The following CCDC178 variants were observed in gnomAD, a reference collection of about 807,000 sequenced individuals.
The protein encoded by CCDC178 is coiled-coil domain-containing protein 178.
Under a neutral mutation model 117.4 loss-of-function variants are expected in CCDC178, and 126 were observed. The ratio of observed to expected loss-of-function variants is 1.07; its 90% CI spans 0.93 to 1.24. The LOEUF (loss-of-function observed/expected upper bound fraction) is 1.24, where lower values mean the gene tolerates loss of function less well. Among genes scored for constraint, CCDC178 ranks in the 50% most tolerant of loss-of-function variants. The pLI is 0.00. For synonymous variants in CCDC178, 283 were observed against 313.4 expected, an observed-to-expected ratio of 0.90 and a Z score of 1.02; for missense variants, 1,030 against 986.9, an observed-to-expected ratio of 1.04 and a Z score of -0.59.
At chr18:33,279,026 T>C (rs1236234836) in intron 12 of CCDC178, among the ~76,000 whole-genome samples, 1 of 152,034 alleles carries the variant, frequency 6.6e-6, no homozygotes, top group African/African-American at 2.4e-5. Context: ...CTGGAAGCAT[T>C]CCCTTTGAAA....
chr18:33,199,231 G>T (rs2058966085), intron 20 of CCDC178, among the ~76,000 whole-genome samples: 1 of 151,896 alleles, frequency 6.6e-6, no homozygotes, highest in East Asian at 1.9e-4. Context: ...GTCCATTATT[G>T]CTTCCAAACC....
chr18:33,276,570 T>C (rs1457974180), intron 12 of CCDC178, among the ~76,000 whole-genome samples: 1 of 152,094 alleles, frequency 6.6e-6, no homozygotes, highest in Non-Finnish European at 1.5e-5. Flanking sequence ...AAGAATGTGT[T>C]CTGGAAGCCA....
At chr18:33,338,394 C>G (rs1015976916) in intron 9 of CCDC178, among the ~76,000 whole-genome samples, 2 of 152,088 alleles carry the variant, frequency 1.3e-5, no homozygotes, top group African/African-American at 4.8e-5. Flanking sequence ...CCAGCAATCC[C>G]ATTACTAGGT....
At chr18:33,242,389 C>T (rs1010172032) in intron 15 of CCDC178, among the ~76,000 whole-genome samples, 1 of 151,512 alleles carries the variant, frequency 6.6e-6, no homozygotes, top group Non-Finnish European at 1.5e-5. Flanking sequence ...GCAACAAAAA[C>T]AAAAATAAAC....
intron 3 of CCDC178, among the ~76,000 whole-genome samples, chr18:33,403,540 AGACTTTTG>A (rs2063738874): frequency 6.6e-6 from 1 of 152,272 alleles, no homozygotes; most frequent in African/African-American, 2.4e-5. Flanking sequence ...TAAAGCAAAT[AGACTTTTG>A]TCAAAATCAG....
chr18:33,258,034 A>G (rs1236674892), intron 14 of CCDC178, among the ~76,000 whole-genome samples: 1 of 152,070 alleles, frequency 6.6e-6, no homozygotes, highest in Non-Finnish European at 1.5e-5. Context: ...AACATATCTG[A>G]ATGCCCTACC....
chr18:33,063,209 C>A (rs1222948766), intron 21 of CCDC178, among the ~76,000 whole-genome samples: 1 of 152,136 alleles, frequency 6.6e-6, no homozygotes, highest in African/African-American at 2.4e-5. Flanking sequence ...ACCCTGCCTG[C>A]CATTGCCAGT....
At chr18:33,406,204 T>C (rs1186762193) in intron 3 of CCDC178, among the ~76,000 whole-genome samples, 2 of 152,072 alleles carry the variant, frequency 1.3e-5, no homozygotes, top group Admixed American at 6.6e-5. Context: ...ACTTTATGAG[T>C]CTTATTTGTA....
intron 20 of CCDC178, among the ~76,000 whole-genome samples, chr18:33,119,141 G>A (rs546238190): frequency 2.0e-5 from 3 of 152,168 alleles, no homozygotes; most frequent in Non-Finnish European, 2.9e-5. Context: ...AGGACTTCAT[G>A]TCTAAAACAC....
intron 10 of CCDC178, among the ~76,000 whole-genome samples, chr18:33,324,825 A>G (rs2062563381): frequency 1.3e-5 from 2 of 151,816 alleles, no homozygotes; most frequent in Admixed American, 6.6e-5. Context: ...TTCTTCATCA[A>G]TATTTAATGA....
intron 14 of CCDC178, among the ~76,000 whole-genome samples, chr18:33,265,193 A>G (rs1385872916): frequency 1.3e-5 from 2 of 152,154 alleles, no homozygotes; most frequent in African/African-American, 4.8e-5. Context: ...AATTCTAAGA[A>G]ATTTTATCAA....
chr18:33,281,097 T>TATAATAATAATAACAATA (rs2060020114), intron 12 of CCDC178, among the ~76,000 whole-genome samples: 1 of 145,584 alleles, frequency 6.9e-6, no homozygotes. Flanking sequence ...AAACTTAAAG[T>TATAATAATAATAACAATA]ATAATAATAA....
intron 14 of CCDC178, among the ~76,000 whole-genome samples, chr18:33,259,659 C>A (rs373002755): frequency 7.2e-5 from 11 of 152,090 alleles, no homozygotes; most frequent in South Asian, 6.2e-4. Flanking sequence ...CACCCCCCCC[C>A]ACCAGTCCCT....
intron 21 of CCDC178, among the ~76,000 whole-genome samples, chr18:33,062,046 T>C (rs2056931175): frequency 6.6e-6 from 1 of 152,208 alleles, no homozygotes; most frequent in South Asian, 2.1e-4. Context: ...GAGGAAAAGA[T>C]GGTGAATGTA....
intron 12 of CCDC178, among the ~76,000 whole-genome samples, chr18:33,282,696 AT>A (rs1381359663): frequency 1.3e-5 from 2 of 152,096 alleles, no homozygotes; most frequent in African/African-American, 4.8e-5. Context: ...TACCTGGCAC[AT>A]GTTTGCACGG....
chr18:33,374,337 A>G (rs1484670485), intron 5 of CCDC178, among the ~76,000 whole-genome samples: 4 of 152,204 alleles, frequency 2.6e-5, no homozygotes. Flanking sequence ...TGGACTCTTC[A>G]CAAAAGACAA....
At chr18:33,037,949 C>T (rs1200262757) in intron 21 of CCDC178, among the ~76,000 whole-genome samples, 1 of 151,872 alleles carries the variant, frequency 6.6e-6, no homozygotes, top group Non-Finnish European at 1.5e-5. Context: ...GGGATCTATG[C>T]TATGTATGTA....
intron 12 of CCDC178, among the ~76,000 whole-genome samples, chr18:33,289,551 T>G (rs556362740): frequency 6.6e-6 from 1 of 152,112 alleles, no homozygotes; most frequent in South Asian, 2.1e-4. Flanking sequence ...GAGGCAGAGG[T>G]TGCAGTGAGC....
At chr18:33,426,455 C>T (rs1364555236) in intron 2 of CCDC178, among the ~76,000 whole-genome samples, 2 of 152,188 alleles carry the variant, frequency 1.3e-5, no homozygotes, top group Non-Finnish European at 2.9e-5. Context: ...ATAGAAGTTA[C>T]ATGCCCATGA....
Sources: gnomAD v4.1 joint callset for allele counts (sites outside exome capture counted in the v4.1 genomes callset) on GRCh38, gnomAD v4.1.1 for gene constraint, MANE v1.5 for transcripts, NCBI Gene and HGNC (gene_info 2026-07-23, HGNC 2026-07-21) for gene names.